Variants in FARSB observed in about 807,000 individuals in gnomAD.
The protein encoded by FARSB is phenylalanyl-tRNA synthetase subunit beta.
FARSB carries 40 observed loss-of-function variants against 69.6 expected under a neutral mutation model. The observed-to-expected ratio is 0.57, with a 90% CI of 0.45 to 0.75. FARSB has a LOEUF of 0.75. FARSB is among the 30% of genes least tolerant of loss of function. FARSB has a pLI of 0.00. For missense variants in FARSB, 632 were observed against 722.9 expected (o/e 0.87, Z 1.44); for synonymous variants, 235 against 247.2 (o/e 0.95, Z 0.46).
At chr2:222,600,226 C>A in intron 15 of FARSB, 143 bp from the exon 16 acceptor site, 1 of 615,708 alleles carries the variant, frequency 1.6e-6, no homozygotes, top group South Asian at 2.4e-5. Context: ...CTCACAAATG[C>A]AAAATAAGAT....
intron 16 of FARSB, among the ~76,000 whole-genome samples, chr2:222,579,947 C>T (rs1689926258): frequency 1.3e-5 from 2 of 152,286 alleles, no homozygotes; most frequent in Non-Finnish European, 2.9e-5. Context: ...TGCCATTTTA[C>T]AGATGAAGAA....
chr2:222,628,702 G>C, intron 10 of FARSB, 135 bp downstream of exon 10: 1 of 586,370 alleles, frequency 1.7e-6, no homozygotes, highest in African/African-American at 1.9e-5. Context: ...CTAAATCCAT[G>C]TAATGCACAT....
chr2:222,600,172 C>G lies in FARSB; in HGVS notation c.1463-89G>C. 7 of 1,109,582 alleles carry G rather than the reference C, an allele frequency of 6.3e-6. No individual in the cohort carries two copies. The South Asian group carries it at 1.1e-4, about 18-fold the overall frequency. 68.7% of individuals were successfully genotyped at this position (1,109,582 alleles called of 1,614,324 possible). On this transcript the variant is annotated intron_variant, in intron 15 of 16. Transcript: ENST00000281828. ...CCAGTACAAACTTAGAAAAAGTCAA[C>G]AAAAAAGAAAACCAAATATTAAACA...
chr2:222,586,376 G>C (rs960222745), intron 16 of FARSB, among the ~76,000 whole-genome samples: 9 of 152,144 alleles, frequency 5.9e-5, no homozygotes, highest in African/African-American at 2.2e-4. Flanking sequence ...AACATGGAAA[G>C]GAACAACCGG....
In FARSB at chr2:222,613,845, T is replaced by C. The variant is rs1404934066; in HGVS notation, c.1428A>G (p.Glu476=). 5 of 1,609,812 alleles carry C rather than the reference T, an allele frequency of 3.1e-6. No homozygotes were observed. Among genetic ancestry groups the C allele is most frequent in the Non-Finnish European group, 3.4e-6 (4 of 1,176,170 alleles). The change falls in exon 15 of 17, where the codon GAA becomes GAG. Residue 476 remains glutamate (E), a synonymous_variant. Transcript: ENST00000281828. The stretch of plus-strand genomic sequence containing the variant: ...AATCTTTTATTACAATGTCAGAGAT[T>C]TCAAACAGTTTCAGTGGAAGGGGCA... The part of the protein sequence containing the change: ...RKMPLPLKLF[E]ISDIVIKDSN...
At chr2:222,594,848 G>A (rs1159722968) in intron 16 of FARSB, among the ~76,000 whole-genome samples, 1 of 152,182 alleles carries the variant, frequency 6.6e-6, no homozygotes. Context: ...GTGCATACAA[G>A]AGAGTGAGGC....
rs1272393275 is a variant in FARSB at position 222,569,774 on chromosome 2, A to G, written c.*2097T>C. On this transcript the variant is annotated 3_prime_UTR_variant, in exon 17 of 17. Transcript: ENST00000281828. ...TAGCATACTGTTTTGAAATTCATTC[A>G]TGTTGTTTTGAGGATCAGTAGTTCA... The G allele has an allele frequency of 2.0e-5, 3 of 152,152 alleles. No homozygotes were observed. Among genetic ancestry groups the G allele is most frequent in the Non-Finnish European group, 2.9e-5 (2 of 68,020 alleles). 9.4% of individuals were successfully genotyped at this position (152,152 alleles called of 1,614,324 possible). A position where few individuals can be genotyped will look rare whatever the true frequency, so the allele number is the denominator to read the frequency against.
In FARSB at chr2:222,619,674, T is replaced by A. The variant is rs758863257; in HGVS notation, c.1315A>T (p.Ile439Leu). The A allele has an allele frequency of 5.6e-6, 9 of 1,604,914 alleles. No individual in the cohort carries two copies. In the East Asian group the frequency reaches 2.0e-4, roughly 36 times the overall value. The change falls in exon 14 of 17, where the codon ATA becomes TTA. Residue 439 changes from isoleucine (I) to leucine (L), a missense_variant. By Grantham distance (5) the Ile-to-Leu change is conservative. Transcript: ENST00000281828. The part of the protein sequence containing the change: ...VDISATKAVH[I>L]SNPKTAEFQV... ...AATTCAGCTGTTTTAGGATTACTTATGTGGACTGCCTTTGTTGCAGAGATA... is the reference window on the plus strand; with the variant it reads ...AATTCAGCTGTTTTAGGATTACTTAAGTGGACTGCCTTTGTTGCAGAGATA...
chr2:222,644,913 T>C (rs573827098), intron 2 of FARSB, among the ~76,000 whole-genome samples: 1 of 150,622 alleles, frequency 6.6e-6, no homozygotes, highest in South Asian at 2.1e-4. Flanking sequence ...TTGCTGCAGG[T>C]AACCAAAACT....
At chr2:222,588,266 A>T (rs1007108371) in intron 16 of FARSB, among the ~76,000 whole-genome samples, 1 of 152,358 alleles carries the variant, frequency 6.6e-6, no homozygotes, top group East Asian at 1.9e-4. Context: ...AAACCACATG[A>T]TTATCTCAAT....
At chr2:222,626,323 TA>T (rs1303621168) in intron 10 of FARSB, among the ~76,000 whole-genome samples, 1 of 151,220 alleles carries the variant, frequency 6.6e-6, no homozygotes, top group Non-Finnish European at 1.5e-5. Context: ...AATTCCAAAG[TA>T]CACACCATTA....
At chr2:222,631,900 C>A (rs1339572103) in intron 7 of FARSB, among the ~76,000 whole-genome samples, 1 of 152,192 alleles carries the variant, frequency 6.6e-6, no homozygotes, top group Non-Finnish European at 1.5e-5. Flanking sequence ...CAGAGAAACC[C>A]CTTCTCTACT....
intron 14 of FARSB, 137 bp downstream of exon 14, chr2:222,619,508 A>G (rs28572477): frequency 0.11 from 66,882 of 585,576 alleles, 4,421 homozygotes; most frequent in African/African-American, 0.19. Flanking sequence ...ATAACCAACT[A>G]TAAACTTACC....
At chr2:222,653,253 T>C (rs1456922577) in intron 1 of FARSB, among the ~76,000 whole-genome samples, 1 of 152,058 alleles carries the variant, frequency 6.6e-6, no homozygotes, top group Admixed American at 6.6e-5. Context: ...GGCAAACAGC[T>C]TGAAAGAGAA....
chr2:222,585,266 T>C (rs1347479957), intron 16 of FARSB, among the ~76,000 whole-genome samples: 3 of 152,174 alleles, frequency 2.0e-5, no homozygotes, highest in Non-Finnish European at 4.4e-5. Context: ...CCAACAGACC[T>C]GCAGCTGAGG....
intron 16 of FARSB, among the ~76,000 whole-genome samples, chr2:222,583,869 C>T (rs1267010236): frequency 6.6e-6 from 1 of 152,158 alleles, no homozygotes; most frequent in Non-Finnish European, 1.5e-5. Flanking sequence ...TACTCACTTT[C>T]CTGCCGCCCT....
At chr2:222,588,160 C>G (rs1259826081) in intron 16 of FARSB, among the ~76,000 whole-genome samples, 1 of 152,202 alleles carries the variant, frequency 6.6e-6, no homozygotes. Flanking sequence ...AGCTTATCCA[C>G]CATGATCAAG....
At chr2:222,604,956 A>T (rs983941273) in intron 15 of FARSB, among the ~76,000 whole-genome samples, 2 of 143,490 alleles carry the variant, frequency 1.4e-5, no homozygotes, top group African/African-American at 5.0e-5. Context: ...GGCCAGGAGC[A>T]GACAGTGGGC....
intron 16 of FARSB, among the ~76,000 whole-genome samples, chr2:222,588,966 C>A (rs1217235664): frequency 6.6e-6 from 1 of 152,196 alleles, no homozygotes; most frequent in Admixed American, 6.5e-5. Context: ...ATGCCATCCC[C>A]ATCAAGCTAC....
Sources: gnomAD v4.1 joint callset for allele counts (sites outside exome capture counted in the v4.1 genomes callset) on GRCh38, gnomAD v4.1.1 for gene constraint, MANE v1.5 for transcripts, NCBI Gene and HGNC (gene_info 2026-07-23, HGNC 2026-07-21) for gene names.